Variants in TRHDE observed in about 807,000 individuals in gnomAD.
TRHDE encodes the protein thyrotropin-releasing hormone-degrading ectoenzyme.
Under a neutral mutation model 125.7 loss-of-function variants are expected in TRHDE, and 72 were observed. That is an observed-to-expected ratio of 0.57 (90% confidence interval 0.47 to 0.70). The LOEUF (loss-of-function observed/expected upper bound fraction) is 0.70, where lower values mean the gene tolerates loss of function less well. Ranked by LOEUF, TRHDE falls within the 30% of genes least tolerant of loss-of-function variation. The pLI, the probability that TRHDE is intolerant of heterozygous loss-of-function variation, is 0.00. For synonymous variants in TRHDE, 509 were observed against 509.1 expected (o/e 1.00, Z 0.00); for missense variants, 1,110 against 1,327.1 (o/e 0.84, Z 2.54).
chr12:72,298,469 T>C (rs1880386273), intron 2 of TRHDE, among the ~76,000 whole-genome samples: 1 of 152,208 alleles, frequency 6.6e-6, no homozygotes, highest in Non-Finnish European at 1.5e-5. Flanking sequence ...TTCAGATTTG[T>C]TTTTATTTTT....
At chr12:72,285,822 G>A (rs1377863105) in intron 1 of TRHDE, among the ~76,000 whole-genome samples, 1 of 152,060 alleles carries the variant, frequency 6.6e-6, no homozygotes, top group African/African-American at 2.4e-5. Flanking sequence ...CCGGGCTGAA[G>A]AGTCCTTCTT....
chr12:72,667,833 C>T lies in TRHDE; in HGVS notation c.*4638C>T, dbSNP rs2136121964. The T allele has an allele frequency of 6.6e-6, 1 of 151,694 alleles. No individual in the cohort carries two copies. Among genetic ancestry groups the T allele is most frequent in the South Asian group, 2.1e-4 (1 of 4,818 alleles). 9.4% of individuals were successfully genotyped at this position (151,694 alleles called of 1,614,324 possible). The stretch of plus-strand genomic sequence containing the variant: ...GAATATAAATTGGGATGGAATTTAT[C>T]CTTAAGAAAAGCTGTTTAAACAATT... On this transcript the variant is annotated 3_prime_UTR_variant, in exon 19 of 19. Coordinates refer to ENST00000261180, the MANE Select transcript of TRHDE (RefSeq NM_013381.3).
chr12:72,642,704 G>A (rs895903806), intron 15 of TRHDE, among the ~76,000 whole-genome samples: 1 of 152,050 alleles, frequency 6.6e-6, no homozygotes, highest in Non-Finnish European at 1.5e-5. Flanking sequence ...AGTGTTTAAA[G>A]AGAAATGACT....
intron 5 of TRHDE, among the ~76,000 whole-genome samples, chr12:72,480,957 A>C (rs1344905446): frequency 6.6e-6 from 1 of 152,090 alleles, no homozygotes; most frequent in Non-Finnish European, 1.5e-5. Context: ...TCCTGGTAAA[A>C]ACGTTATTCT....
At chr12:72,607,531 A>G (rs1304967037) in intron 12 of TRHDE, among the ~76,000 whole-genome samples, 1 of 151,164 alleles carries the variant, frequency 6.6e-6, no homozygotes, top group Non-Finnish European at 1.5e-5. Context: ...AAAAAGTCAG[A>G]ATAAATCCTT....
rs1409286198 is a variant in TRHDE at position 72,652,331 on chromosome 12, A to T, written c.2685A>T (p.Leu895=). The T allele has an allele frequency of 6.9e-7, 1 of 1,451,124 alleles. No homozygotes were observed. The highest frequency in any genetic ancestry group is 9.1e-7 in the Non-Finnish European group (1 of 1,095,034). The allele number at this position is 1,451,124 out of a possible 1,614,324, so 89.9% of individuals were successfully genotyped here. ...TGGGTTGCTTCTTTAGAATACCACTAAATGTTAGAGACATCGTATACTGTA... is the reference window on the plus strand; with the variant it reads ...TGGGTTGCTTCTTTAGAATACCACTTAATGTTAGAGACATCGTATACTGTA... The part of the protein sequence containing the change: ...WISSNRNRIP[L]NVRDIVYCTG... The change falls in exon 16 of 19, where the codon CTA becomes CTT. Residue 895 remains leucine (L), a synonymous_variant. Transcript: ENST00000261180.
chr12:72,499,733 GATAGAC>G, intron 6 of TRHDE, 98 bp downstream of exon 6: 2 of 1,334,048 alleles, frequency 1.5e-6, no homozygotes, highest in Non-Finnish European at 2.1e-6. Context: ...TTTCCGGGCA[GATAGAC>G]ATAGACTGTG....
chr12:72,631,109 A>G (rs892648763), intron 15 of TRHDE, among the ~76,000 whole-genome samples: 7 of 151,424 alleles, frequency 4.6e-5, no homozygotes, highest in Non-Finnish European at 1.0e-4. Context: ...TATAAATATT[A>G]TTTCATCCTG....
At chr12:72,480,851 A>G (rs1877136245) in intron 5 of TRHDE, among the ~76,000 whole-genome samples, 1 of 152,170 alleles carries the variant, frequency 6.6e-6, no homozygotes, top group South Asian at 2.1e-4. Context: ...AAATTATACC[A>G]AAATGACAAA....
At chr12:72,380,916 T>C (rs1487789533) in intron 3 of TRHDE, among the ~76,000 whole-genome samples, 2 of 151,674 alleles carry the variant, frequency 1.3e-5, no homozygotes, top group Non-Finnish European at 2.9e-5. Flanking sequence ...CTTTCTTGTT[T>C]TGTGAGATGG....
rs148650219 is a variant in TRHDE, at chr12:72,287,135, C to G, written c.1188+181C>G. Reference sequence around the variant, plus strand: ...TAGTTTCAAAGTGTCAGAGATAAACCTGTCTTCTATACCCAGCACTCTTAT... The same window carrying G: ...TAGTTTCAAAGTGTCAGAGATAAACGTGTCTTCTATACCCAGCACTCTTAT... On this transcript the variant is annotated intron_variant, in intron 2 of 18. Coordinates refer to ENST00000261180, the MANE Select transcript of TRHDE (RefSeq NM_013381.3). 2.7e-4 allele frequency among the ~76,000 whole-genome samples: 41 copies of G among 151,986 alleles called. No homozygotes were observed. The East Asian group carries it at 7.7e-3, about 29-fold the overall frequency.
intron 12 of TRHDE, among the ~76,000 whole-genome samples, chr12:72,583,923 C>CTTTTTTTTTTTTTT (rs1190363456): frequency 3.3e-5 from 2 of 60,462 alleles, no homozygotes; most frequent in African/African-American, 2.5e-4. Context: ...GGATGACAAA[C>CTTTTTTTTTTTTTT]TTTTTTTTTT....
intron 7 of TRHDE, among the ~76,000 whole-genome samples, chr12:72,546,769 G>C (rs968916210): frequency 2.0e-5 from 3 of 151,594 alleles, no homozygotes; most frequent in Non-Finnish European, 4.4e-5. Context: ...CAGCCTTCCA[G>C]AAATAAAGGC....
At chr12:72,160,534 A>T (rs1876613691) in intron 2 of TRHDE, among the ~76,000 whole-genome samples, 1 of 152,042 alleles carries the variant, frequency 6.6e-6, no homozygotes, top group African/African-American at 2.4e-5. Flanking sequence ...TAAAAATACA[A>T]AAAAATTAGC....
At chr12:72,299,945 G>A (rs1014308495) in intron 2 of TRHDE, among the ~76,000 whole-genome samples, 1 of 152,168 alleles carries the variant, frequency 6.6e-6, no homozygotes, top group Non-Finnish European at 1.5e-5. Flanking sequence ...CTTGAGGGAT[G>A]GATAGACATC....
At chr12:72,559,876 A>G (rs1217639132) in intron 7 of TRHDE, among the ~76,000 whole-genome samples, 1 of 152,064 alleles carries the variant, frequency 6.6e-6, no homozygotes, top group Non-Finnish European at 1.5e-5. Context: ...CAGTCATGGA[A>G]ATCTCCCTAC....
intron 3 of TRHDE, among the ~76,000 whole-genome samples, chr12:72,458,795 C>T (rs777970207): frequency 6.6e-5 from 10 of 152,144 alleles, no homozygotes; most frequent in Admixed American, 2.0e-4. Flanking sequence ...TGGCTACCCA[C>T]TATTGACTCA....
At chr12:72,636,604 A>G (rs1386165370) in intron 15 of TRHDE, among the ~76,000 whole-genome samples, 1 of 152,014 alleles carries the variant, frequency 6.6e-6, no homozygotes, top group Non-Finnish European at 1.5e-5. Context: ...GAATGCTTCC[A>G]GTTTTTGCCC....
At chr12:72,535,176 A>G (rs1392699313) in intron 6 of TRHDE, among the ~76,000 whole-genome samples, 1 of 152,102 alleles carries the variant, frequency 6.6e-6, no homozygotes, top group East Asian at 1.9e-4. Context: ...AAAAATTTTG[A>G]AATAGGTGTT....
Sources: allele counts gnomAD v4.1 joint callset (sites outside exome capture counted in the v4.1 genomes callset), GRCh38; gene constraint gnomAD v4.1.1; transcripts MANE v1.5; gene names NCBI Gene and HGNC (gene_info 2026-07-23, HGNC 2026-07-21).